CACNA1C: variants seen among roughly 807,000 people sequenced by gnomAD.
CACNA1C encodes voltage-dependent L-type calcium channel subunit alpha-1C.
CACNA1C carries 30 observed loss-of-function variants against 229.0 expected under a neutral mutation model. The ratio of observed to expected loss-of-function variants is 0.13; its 90% confidence interval spans 0.10 to 0.18. The LOEUF is 0.18. Among genes scored for constraint, CACNA1C ranks in the 10% least tolerant of loss-of-function variants. The pLI is 1.00. For synonymous variants in CACNA1C, 1,114 were observed against 1,132.5 expected (o/e 0.98, Z 0.33); for missense variants, 1,658 against 2,845.0 (o/e 0.58, Z 9.49).
chr12:2,309,492 T>TAC (rs375903186), intron 3 of CACNA1C, among the ~76,000 whole-genome samples: 5,471 of 146,320 alleles, frequency 0.037, 247 homozygotes, highest in African/African-American at 0.11. Context: ...CACACACACA[T>TAC]ACACACACAC....
intron 29 of CACNA1C, among the ~76,000 whole-genome samples, chr12:2,615,204 T>C (rs1329913434): frequency 6.6e-6 from 1 of 152,138 alleles, no homozygotes; most frequent in Non-Finnish European, 1.5e-5. Flanking sequence ...CACACGAAGG[T>C]GCAGGACCAG....
intron 3 of CACNA1C, among the ~76,000 whole-genome samples, chr12:2,419,660 T>C (rs2098954080): frequency 6.6e-6 from 1 of 152,212 alleles, no homozygotes; most frequent in Non-Finnish European, 1.5e-5. Flanking sequence ...CTGTGTGTCC[T>C]GATTTGGGGG....
intron 15 of CACNA1C, 94 bp downstream of exon 15, chr12:2,583,036 C>T (rs1364490965): frequency 1.5e-5 from 13 of 886,760 alleles, no homozygotes; most frequent in East Asian, 2.6e-5. Flanking sequence ...CCGGGCGGTC[C>T]TGCTCGGGCT....
intron 1 of CACNA1C, among the ~76,000 whole-genome samples, chr12:2,084,760 T>C (rs2066937684): frequency 1.3e-5 from 2 of 152,240 alleles, no homozygotes; most frequent in Non-Finnish European, 2.9e-5. Context: ...TTGACTCATA[T>C]TGAGTCGTAG....
At chr12:2,335,915 T>C (rs543971258) in intron 3 of CACNA1C, among the ~76,000 whole-genome samples, 2 of 151,660 alleles carry the variant, frequency 1.3e-5, no homozygotes, top group South Asian at 4.2e-4. Context: ...AAATCAAGGC[T>C]GATCCTAAGG....
At chr12:2,340,737 C>T (rs892032590) in intron 3 of CACNA1C, among the ~76,000 whole-genome samples, 15 of 152,208 alleles carry the variant, frequency 9.9e-5, no homozygotes, top group Non-Finnish European at 2.1e-4. Context: ...GCTGGCAGAT[C>T]ACGAGGTCAG....
chr12:2,598,963 C>T (rs564929967), intron 21 of CACNA1C, among the ~76,000 whole-genome samples: 2 of 152,226 alleles, frequency 1.3e-5, no homozygotes, highest in South Asian at 2.1e-4. Flanking sequence ...TAAGATGCAC[C>T]GCGGCAAAAC....
At chr12:2,551,795 G>A (rs1232597665) in intron 10 of CACNA1C, among the ~76,000 whole-genome samples, 7 of 152,158 alleles carry the variant, frequency 4.6e-5, no homozygotes, top group African/African-American at 7.2e-5. Flanking sequence ...TGGCAGCAGG[G>A]GCAGGCGGGT....
rs1248224078 is a variant in CACNA1C, at chr12:2,034,859, T to C, written c.139+63658T>C. On this transcript the variant is annotated intron_variant, in intron 1 of 46. Coordinates refer to the CACNA1C transcript ENST00000682462. The surrounding 1 kb of genome is among the most constrained non-coding windows in gnomAD (Gnocchi z 4.1). ...AGGCAGACAGGTGATTTTCATTCTG[T>C]GTGTAAATATAATTAGGAAAGTACA... Among the ~76,000 whole-genome samples the C allele has an allele frequency of 1.3e-5, 2 of 152,090 alleles. No individual in the cohort carries two copies. The highest frequency in any genetic ancestry group is 3.9e-4 in the East Asian group (2 of 5,192).
chr12:2,376,743 G>C (rs2098082434), intron 3 of CACNA1C, among the ~76,000 whole-genome samples: 1 of 152,158 alleles, frequency 6.6e-6, no homozygotes, highest in African/African-American at 2.4e-5. Context: ...GGATTCTGCT[G>C]CTCTAGGCTA....
intron 5 of CACNA1C, among the ~76,000 whole-genome samples, chr12:2,477,622 G>A (rs1173620958): frequency 6.6e-6 from 1 of 152,192 alleles, no homozygotes; most frequent in Non-Finnish European, 1.5e-5. Context: ...AGCCGAGCAA[G>A]AGATCAGCAG....
chr12:2,221,394 C>T (rs2061434908), intron 3 of CACNA1C, among the ~76,000 whole-genome samples: 1 of 152,088 alleles, frequency 6.6e-6, no homozygotes, highest in Non-Finnish European at 1.5e-5. Flanking sequence ...CAGGTGCCAG[C>T]AGTGGAGGTG....
chr12:2,001,898 C>G (rs1593434575), intron 1 of CACNA1C, among the ~76,000 whole-genome samples: 1 of 152,154 alleles, frequency 6.6e-6, no homozygotes, highest in African/African-American at 2.4e-5. Context: ...CCAAATGTCA[C>G]CTGGGGGCAA....
chr12:2,619,430 G>A (rs990851935), intron 29 of CACNA1C, among the ~76,000 whole-genome samples: 6 of 152,146 alleles, frequency 3.9e-5, no homozygotes, highest in African/African-American at 1.2e-4. Flanking sequence ...ATTTTAAATG[G>A]GCCCTTTTGC....
intron 3 of CACNA1C, among the ~76,000 whole-genome samples, chr12:2,430,908 C>G (rs1273736321): frequency 6.6e-6 from 1 of 152,142 alleles, no homozygotes; most frequent in Non-Finnish European, 1.5e-5. Flanking sequence ...AACACACCCA[C>G]TGCTGACTCC....
intron 3 of CACNA1C, among the ~76,000 whole-genome samples, chr12:2,364,820 A>G (rs910607482): frequency 6.6e-6 from 1 of 152,230 alleles, no homozygotes; most frequent in Non-Finnish European, 1.5e-5. Context: ...CAGACACCTC[A>G]GGAAGCACAA....
chr12:2,508,364 A>G (rs780207485), intron 8 of CACNA1C, among the ~76,000 whole-genome samples: 5 of 152,266 alleles, frequency 3.3e-5, no homozygotes, highest in Non-Finnish European at 7.3e-5. Flanking sequence ...AAGTGTGGAA[A>G]TTCAGGGCTG....
At chr12:2,204,443 A>G (rs4765672) in intron 3 of CACNA1C, among the ~76,000 whole-genome samples, 50,447 of 150,018 alleles carry the variant, frequency 0.34, 8,994 homozygotes, top group South Asian at 0.38. Flanking sequence ...CCATTACTGG[A>G]TATATACCCA....
chr12:2,002,260 T>C (rs1329012848), intron 1 of CACNA1C, among the ~76,000 whole-genome samples: 1 of 152,216 alleles, frequency 6.6e-6, no homozygotes, highest in Non-Finnish European at 1.5e-5. Context: ...TGTTCTCATA[T>C]TCTTATTAGG....
Sources: gnomAD v4.1 joint callset for allele counts (sites outside exome capture counted in the v4.1 genomes callset) on GRCh38, gnomAD v4.1.1 for gene constraint, Gnocchi (gnomAD v3.1) non-coding constraint, MANE v1.5 for transcripts, NCBI Gene and HGNC (gene_info 2026-07-23, HGNC 2026-07-21) for gene names.